CDC25C: variants seen among roughly 807,000 people sequenced by gnomAD.
CDC25C encodes the protein M-phase inducer phosphatase 3.
In CDC25C, 48 loss-of-function variants were observed where a neutral mutation model predicts 52.5. The observed-to-expected ratio is 0.91, with a 90% CI of 0.72 to 1.16. CDC25C has a LOEUF of 1.16. Among genes scored for constraint, CDC25C ranks in the 50% most tolerant of loss-of-function variants. CDC25C has a pLI of 0.00. For synonymous variants in CDC25C, 187 were observed against 206.5 expected, an observed-to-expected ratio of 0.91 and a Z score of 0.81; for missense variants, 510 against 566.1, an observed-to-expected ratio of 0.90 and a Z score of 1.01.
intron 7 of CDC25C, among the ~76,000 whole-genome samples, chr5:138,314,597 A>G (rs1484239710): frequency 7.1e-6 from 1 of 141,826 alleles, no homozygotes; most frequent in African/African-American, 2.6e-5. Context: ...CTCCCAGCCT[A>G]TAGCACTTTT....
At chr5:138,314,384 C>T (rs976346030) in intron 7 of CDC25C, among the ~76,000 whole-genome samples, 1 of 151,758 alleles carries the variant, frequency 6.6e-6, no homozygotes, top group African/African-American at 2.4e-5. Flanking sequence ...CAACCTCCAC[C>T]TCCTGGGTTC....
chr5:138,309,009 A>G (rs1218127331), intron 7 of CDC25C, among the ~76,000 whole-genome samples: 1 of 152,138 alleles, frequency 6.6e-6, no homozygotes, highest in African/African-American at 2.4e-5. Flanking sequence ...GGTGCCTACT[A>G]TACTCTAAGT....
intron 7 of CDC25C, among the ~76,000 whole-genome samples, chr5:138,294,191 T>G (rs1756992094): frequency 6.6e-6 from 1 of 150,746 alleles, no homozygotes; most frequent in African/African-American, 2.4e-5. Flanking sequence ...CATGCTTGGC[T>G]AATTTTTTTT....
upstream of CDC25C, among the ~76,000 whole-genome samples, chr5:138,334,385 A>G (rs1760584815): frequency 6.6e-6 from 1 of 151,668 alleles, no homozygotes; most frequent in African/African-American, 2.4e-5. Context: ...TTTTTGAGAC[A>G]GTTTCTTTCT....
At chr5:138,321,097 C>T (rs1759345986) in intron 6 of CDC25C, among the ~76,000 whole-genome samples, 1 of 151,766 alleles carries the variant, frequency 6.6e-6, no homozygotes, top group Non-Finnish European at 1.5e-5. Flanking sequence ...CTCACACACA[C>T]ACATGAAAGG....
intron 7 of CDC25C, among the ~76,000 whole-genome samples, chr5:138,293,364 C>A (rs1224127358): frequency 6.6e-6 from 1 of 152,034 alleles, no homozygotes; most frequent in Admixed American, 6.6e-5. Flanking sequence ...GAAGCCAAAG[C>A]CCAAAAGGAA....
At chr5:138,292,611 T>C (rs1387525669) in intron 7 of CDC25C, among the ~76,000 whole-genome samples, 1 of 149,482 alleles carries the variant, frequency 6.7e-6, no homozygotes, top group Non-Finnish European at 1.5e-5. Context: ...AAAAGAAGCA[T>C]CATGCAAGAA....
chr5:138,323,957 CAAA>C (rs774091050), intron 6 of CDC25C, among the ~76,000 whole-genome samples: 1 of 105,558 alleles, frequency 9.5e-6, no homozygotes, highest in Non-Finnish European at 1.9e-5. Context: ...GATTCCATCT[CAAA>C]AAAAAAAAAA....
chr5:138,289,868 A>C (rs967106151), intron 9 of CDC25C, among the ~76,000 whole-genome samples: 1 of 150,466 alleles, frequency 6.6e-6, no homozygotes. Flanking sequence ...AATTATGAGC[A>C]GCCAAAAAAA....
intron 1 of CDC25C, chr5:138,337,701 A>C (rs556955927): frequency 3.0e-6 from 1 of 332,534 alleles, no homozygotes; most frequent in East Asian, 9.3e-5. Context: ...CCGATCCGGC[A>C]GCTGCAAGAG....
upstream of CDC25C, among the ~76,000 whole-genome samples, chr5:138,335,811 A>G (rs1760662033): frequency 1.3e-5 from 2 of 149,880 alleles, no homozygotes; most frequent in Non-Finnish European, 3.0e-5. Flanking sequence ...TTTGGGTCTC[A>G]GTTTCTTTCA....
Position 138,331,236 on chromosome 5 carries a change from T to A in CDC25C, c.-38-18A>T. Reference sequence around the variant, plus strand: ...AAACCTAGCTAGGAGGAAAACGTCATCTAAATCGGTACATCACAGTTCCCT... The same window carrying A: ...AAACCTAGCTAGGAGGAAAACGTCAACTAAATCGGTACATCACAGTTCCCT... On this transcript the variant is annotated intron_variant, in intron 1 of 13. Coordinates refer to ENST00000323760, the MANE Select transcript of CDC25C (RefSeq NM_001790.5). 1 of 1,512,728 alleles carries A rather than the reference T, an allele frequency of 6.6e-7. No individual in the cohort carries two copies. The highest frequency in any genetic ancestry group is 9.2e-7 in the Non-Finnish European group (1 of 1,091,462). 93.7% of individuals were successfully genotyped at this position (1,512,728 alleles called of 1,614,324 possible). A position where few individuals can be genotyped will look rare whatever the true frequency, so the allele number is the denominator to read the frequency against.
At chr5:138,316,104 C>A (rs1758849213) in intron 7 of CDC25C, among the ~76,000 whole-genome samples, 1 of 152,200 alleles carries the variant, frequency 6.6e-6, no homozygotes, top group African/African-American at 2.4e-5. Flanking sequence ...CGGGAGCAGG[C>A]AGGATCCCTG....
rs540478280 is a variant in CDC25C, at chr5:138,329,481, C to T, written c.289+72G>A. Reference sequence around the variant, plus strand: ...TTTATACTTTCACCACCTTCCGTCTCTATCCTCCTTCCCTGTTTTCTCCCT... The same window carrying T: ...TTTATACTTTCACCACCTTCCGTCTTTATCCTCCTTCCCTGTTTTCTCCCT... On this transcript the variant is annotated intron_variant, in intron 3 of 13. Coordinates refer to ENST00000323760, the MANE Select transcript of CDC25C (RefSeq NM_001790.5). The T allele has an allele frequency of 9.1e-6, 9 of 987,522 alleles. No individual in the cohort carries two copies. In the East Asian group the frequency reaches 2.2e-4, roughly 24 times the overall value. The allele number at this position is 987,522 out of a possible 1,614,324, so 61.2% of individuals were successfully genotyped here.
At chr5:138,337,788 T>C (rs1468365802) in intron 1 of CDC25C, 17 of 400,356 alleles carry the variant, frequency 4.2e-5, no homozygotes, top group Non-Finnish European at 2.3e-5. Flanking sequence ...CGCGGACGGG[T>C]CCTTTGCTGG....
chr5:138,309,900 T>G (rs1758314881), intron 7 of CDC25C, among the ~76,000 whole-genome samples: 2 of 151,800 alleles, frequency 1.3e-5, no homozygotes, highest in Non-Finnish European at 2.9e-5. Context: ...AGAGATGAGG[T>G]TTCACCATGT....
At chr5:138,300,708 C>T (rs1757569069) in intron 7 of CDC25C, among the ~76,000 whole-genome samples, 1 of 152,142 alleles carries the variant, frequency 6.6e-6, no homozygotes, top group Non-Finnish European at 1.5e-5. Flanking sequence ...TTGCACTAAA[C>T]ATTTACCAAG....
chr5:138,334,668 G>A (rs1178489717), upstream of CDC25C, among the ~76,000 whole-genome samples: 1 of 152,162 alleles, frequency 6.6e-6, no homozygotes, highest in African/African-American at 2.4e-5. Flanking sequence ...ACTCTTAAAA[G>A]CTCTACGTTT....
intron 7 of CDC25C, among the ~76,000 whole-genome samples, chr5:138,299,118 G>A (rs1339941999): frequency 6.7e-6 from 1 of 148,826 alleles, no homozygotes; most frequent in South Asian, 2.1e-4. Flanking sequence ...GCCTGAACCT[G>A]GGAGGCACAG....
Sources: allele counts gnomAD v4.1 joint callset (sites outside exome capture counted in the v4.1 genomes callset), GRCh38; gene constraint gnomAD v4.1.1; transcripts MANE v1.5; gene names NCBI Gene and HGNC (gene_info 2026-07-23, HGNC 2026-07-21).